The following POPDC1 variants were observed in gnomAD, a reference collection of about 807,000 sequenced individuals.
The protein encoded by POPDC1 is popeye domain cAMP effector 1.
At chr6:105,105,540 A>G in the POPDC1 span, among the ~76,000 whole-genome samples, 1 of 152,248 alleles carries the variant, frequency 6.6e-6, no homozygotes, top group African/African-American at 2.4e-5. Flanking sequence ...TGGCCTCATC[A>G]GGAGACTTAC....
the POPDC1 span, among the ~76,000 whole-genome samples, chr6:105,128,521 T>C: frequency 6.6e-6 from 1 of 152,216 alleles, no homozygotes. Context: ...CCATTTGCTG[T>C]TATATATCAT....
the POPDC1 span, among the ~76,000 whole-genome samples, chr6:105,130,589 G>A: frequency 6.6e-6 from 1 of 152,140 alleles, no homozygotes; most frequent in African/African-American, 2.4e-5. Context: ...GATATATTCT[G>A]AGAAACATTT....
At chr6:105,115,231 C>T in the POPDC1 span, among the ~76,000 whole-genome samples, 2 of 152,168 alleles carry the variant, frequency 1.3e-5, no homozygotes, top group Non-Finnish European at 2.9e-5. Flanking sequence ...GGACTACAGG[C>T]GCCTGCCACC....
chr6:105,124,591 G>A, the POPDC1 span: 11 of 1,612,840 alleles, frequency 6.8e-6, no homozygotes, highest in Non-Finnish European at 8.5e-6. Context: ...CTAAATTCAG[G>A]AGAATCTATA....
At chr6:105,126,130 G>A in the POPDC1 span, among the ~76,000 whole-genome samples, 2 of 151,962 alleles carry the variant, frequency 1.3e-5, no homozygotes, top group African/African-American at 4.8e-5. Flanking sequence ...GGAGGCTGAG[G>A]CTGGTGAATT....
At chr6:105,121,694 T>C in the POPDC1 span, among the ~76,000 whole-genome samples, 1 of 152,344 alleles carries the variant, frequency 6.6e-6, no homozygotes, top group East Asian at 1.9e-4. Context: ...CAGAATCTGT[T>C]TTCTCAGCTC....
chr6:105,126,884 T>C, the POPDC1 span, among the ~76,000 whole-genome samples: 1 of 152,236 alleles, frequency 6.6e-6, no homozygotes, highest in African/African-American at 2.4e-5. Flanking sequence ...AGTTTCATTG[T>C]AAGCTAAAAT....
At chr6:105,117,554 A>T in the POPDC1 span, among the ~76,000 whole-genome samples, 1 of 152,172 alleles carries the variant, frequency 6.6e-6, no homozygotes, top group African/African-American at 2.4e-5. Flanking sequence ...AACTGCACGA[A>T]ACAGAGCTCA....
the POPDC1 span, among the ~76,000 whole-genome samples, chr6:105,116,194 A>G: frequency 1.3e-5 from 2 of 152,176 alleles, no homozygotes; most frequent in Non-Finnish European, 2.9e-5. Flanking sequence ...CTCTCTTGTA[A>G]TCATTTTAAT....
chr6:105,117,813 C>T, the POPDC1 span, among the ~76,000 whole-genome samples: 1 of 152,162 alleles, frequency 6.6e-6, no homozygotes, highest in Admixed American at 6.5e-5. Flanking sequence ...TGGAGTGGTG[C>T]TTAATGCATG....
At chr6:105,129,139 T>C in the POPDC1 span, among the ~76,000 whole-genome samples, 1 of 152,214 alleles carries the variant, frequency 6.6e-6, no homozygotes, top group Non-Finnish European at 1.5e-5. Context: ...AAGGAAAATA[T>C]TATTCATGTT....
chr6:105,116,314 G>C, the POPDC1 span, among the ~76,000 whole-genome samples: 3 of 152,156 alleles, frequency 2.0e-5, no homozygotes, highest in African/African-American at 7.2e-5. Flanking sequence ...AGATATGCAA[G>C]ACTGGAAGAC....
the POPDC1 span, among the ~76,000 whole-genome samples, chr6:105,135,946 G>C: frequency 6.6e-6 from 1 of 152,142 alleles, no homozygotes; most frequent in Non-Finnish European, 1.5e-5. Flanking sequence ...ACTAAATCAA[G>C]AGAAATTATT....
At chr6:105,110,681 C>T in the POPDC1 span, among the ~76,000 whole-genome samples, 1 of 83,148 alleles carries the variant, frequency 1.2e-5, no homozygotes. Flanking sequence ...AGGCTGTCCA[C>T]AACAGCATTT....
At chr6:105,108,766 C>G in the POPDC1 span, among the ~76,000 whole-genome samples, 2 of 152,226 alleles carry the variant, frequency 1.3e-5, no homozygotes, top group African/African-American at 4.8e-5. Context: ...CTGCCCACTA[C>G]TTGGTTCTAC....
the POPDC1 span, among the ~76,000 whole-genome samples, chr6:105,115,226 A>G: frequency 2.0e-5 from 3 of 152,154 alleles, no homozygotes; most frequent in African/African-American, 7.2e-5. Context: ...AGCCAGGACT[A>G]CAGGCGCCTG....
the POPDC1 span, among the ~76,000 whole-genome samples, chr6:105,126,850 G>C: frequency 2.6e-5 from 4 of 152,078 alleles, no homozygotes; most frequent in Non-Finnish European, 4.4e-5. Flanking sequence ...AAAATAAAAG[G>C]GTGTAAAAGA....
At chr6:105,118,167 T>C in the POPDC1 span, among the ~76,000 whole-genome samples, 1 of 152,296 alleles carries the variant, frequency 6.6e-6, no homozygotes, top group East Asian at 1.9e-4. Context: ...TCAGAGCAAA[T>C]GTTTCTAAAG....
At chr6:105,129,141 A>G in the POPDC1 span, among the ~76,000 whole-genome samples, 1 of 152,248 alleles carries the variant, frequency 6.6e-6, no homozygotes, top group African/African-American at 2.4e-5. Flanking sequence ...GGAAAATATT[A>G]TTCATGTTCT....
Sources: gnomAD v4.1 joint callset for allele counts (sites outside exome capture counted in the v4.1 genomes callset) on GRCh38, gnomAD v4.1.1 for gene constraint, MANE v1.5 for transcripts, NCBI Gene and HGNC (gene_info 2026-07-23, HGNC 2026-07-21) for gene names.